Variants in TUBB8B observed in about 807,000 individuals in gnomAD.
TUBB8B encodes the protein HSA18p11 beta-tubulin 4Q pseudogene.
TUBB8B carries 26 observed loss-of-function variants against 31.9 expected under a neutral mutation model. That is an observed-to-expected ratio of 0.81 (90% CI 0.60 to 1.13). TUBB8B has a LOEUF of 1.13. Ranked by LOEUF, TUBB8B falls within the 50% of genes most tolerant of loss-of-function variation. The pLI is 0.00. For missense variants in TUBB8B, 467 were observed against 586.7 expected, an observed-to-expected ratio of 0.80 and a Z score of 2.11; for synonymous variants, 173 against 231.0, an observed-to-expected ratio of 0.75 and a Z score of 2.28.
the TUBB8B span, among the ~76,000 whole-genome samples, chr18:62,220 C>T: frequency 6.6e-6 from 1 of 151,336 alleles, no homozygotes; most frequent in Non-Finnish European, 1.5e-5. Flanking sequence ...ATTGGAGTTC[C>T]ATTGAATGTT....
upstream of TUBB8B, among the ~76,000 whole-genome samples, chr18:51,776 G>A (rs1254260337): frequency 5.9e-5 from 9 of 152,058 alleles, no homozygotes; most frequent in Middle Eastern, 3.4e-3. Flanking sequence ...TGCCATGTAA[G>A]AGATGTGACT....
At chr18:72,196 A>AAAAAAAAAAAAAAAAAAAACAAC in the TUBB8B span, among the ~76,000 whole-genome samples, 155 of 84,456 alleles carry the variant, frequency 1.8e-3, 2 homozygotes, top group African/African-American at 2.6e-3. Context: ...AAAAAAAAAA[A>AAAAAAAAAAAAAAAAAAAACAAC]AAAGGAAAAA....
chr18:64,910 C>T, the TUBB8B span, among the ~76,000 whole-genome samples: 7 of 152,010 alleles, frequency 4.6e-5, no homozygotes, highest in Non-Finnish European at 1.0e-4. Flanking sequence ...CAACCCATAC[C>T]CAATCCCATC....
At chr18:68,370 C>A in the TUBB8B span, among the ~76,000 whole-genome samples, 1 of 152,196 alleles carries the variant, frequency 6.6e-6, no homozygotes, top group Non-Finnish European at 1.5e-5. Flanking sequence ...CTCTACCTGA[C>A]AATCCAATCC....
At chr18:66,593 T>G in the TUBB8B span, among the ~76,000 whole-genome samples, 1 of 152,162 alleles carries the variant, frequency 6.6e-6, no homozygotes, top group African/African-American at 2.4e-5. Flanking sequence ...AAATATGGGT[T>G]TATTTCTGAA....
At chr18:71,564 A>C in the TUBB8B span, among the ~76,000 whole-genome samples, 1 of 115,562 alleles carries the variant, frequency 8.7e-6, no homozygotes, top group Non-Finnish European at 1.7e-5. Flanking sequence ...AAACAAAAAA[A>C]AATTTAAAAA....
the TUBB8B span, among the ~76,000 whole-genome samples, chr18:67,776 T>G: frequency 2.2e-5 from 3 of 135,760 alleles, no homozygotes; most frequent in Non-Finnish European, 4.8e-5. Flanking sequence ...CCCACAAGAC[T>G]GCTGTGACAC....
chr18:63,714 A>AACCCTAACCCTAACCCTAACC, the TUBB8B span, among the ~76,000 whole-genome samples: 1 of 137,522 alleles, frequency 7.3e-6, no homozygotes, highest in African/African-American at 2.9e-5. Flanking sequence ...TAACCCTAAC[A>AACCCTAACCCTAACCCTAACC]CTAACCCTAA....
the TUBB8B span, among the ~76,000 whole-genome samples, chr18:70,323 G>A: frequency 6.6e-6 from 1 of 151,966 alleles, no homozygotes; most frequent in Non-Finnish European, 1.5e-5. Context: ...GTGACCCTTA[G>A]AGATCCCCAT....
the TUBB8B span, among the ~76,000 whole-genome samples, chr18:63,522 T>A: frequency 3.3e-5 from 5 of 151,746 alleles, no homozygotes; most frequent in East Asian, 7.8e-4. Context: ...CCACTGAGAC[T>A]GCGCTGGTTC....
the TUBB8B span, among the ~76,000 whole-genome samples, chr18:69,289 C>T: frequency 6.6e-6 from 1 of 152,082 alleles, no homozygotes; most frequent in African/African-American, 2.4e-5. Context: ...ATGGCAAAAC[C>T]TCATCTCTAC....
the TUBB8B span, among the ~76,000 whole-genome samples, chr18:61,074 T>C: frequency 1.3e-5 from 2 of 151,726 alleles, no homozygotes; most frequent in East Asian, 3.9e-4. Flanking sequence ...CAGCCATTAT[T>C]GTATTGATAT....
At chr18:48,605 A>G in intron 3 of TUBB8B, 158 bp from the exon 4 acceptor site, 1 of 706,988 alleles carries the variant, frequency 1.4e-6, no homozygotes, top group South Asian at 1.6e-5. Context: ...GTTACAGGAC[A>G]GCAGCTTCCC....
the TUBB8B span, among the ~76,000 whole-genome samples, chr18:72,196 A>AAAAAAAAAACAAAAAAAAAC: frequency 1.2e-5 from 1 of 84,536 alleles, no homozygotes; most frequent in African/African-American, 3.9e-5. Context: ...AAAAAAAAAA[A>AAAAAAAAAACAAAAAAAAAC]AAAGGAAAAA....
the TUBB8B span, among the ~76,000 whole-genome samples, chr18:70,779 C>T: frequency 6.6e-6 from 1 of 151,752 alleles, no homozygotes; most frequent in Admixed American, 6.6e-5. Flanking sequence ...TGGTGAAACC[C>T]CATCTCTACT....
chr18:56,038 T>C, the TUBB8B span, among the ~76,000 whole-genome samples: 1 of 152,062 alleles, frequency 6.6e-6, no homozygotes, highest in East Asian at 1.9e-4. Flanking sequence ...TGTAGTTTCA[T>C]TCTTCTGCCT....
At chr18:52,111 T>C (rs1906133129), upstream of TUBB8B, among the ~76,000 whole-genome samples, 1 of 151,862 alleles carries the variant, frequency 6.6e-6, no homozygotes, top group South Asian at 2.1e-4. Flanking sequence ...TCCCTTGGTG[T>C]GGGGTCAAAA....
At chr18:58,523 C>A in the TUBB8B span, among the ~76,000 whole-genome samples, 1 of 151,678 alleles carries the variant, frequency 6.6e-6, no homozygotes, top group African/African-American at 2.4e-5. Context: ...TTGCTTCGAT[C>A]CTAATAAGTT....
At chr18:48,625 A>G in intron 3 of TUBB8B, 178 bp from the exon 4 acceptor site, 1 of 686,364 alleles carries the variant, frequency 1.5e-6, no homozygotes. Context: ...CCTGTTAGAA[A>G]TTAAGACAGG....
Sources: gnomAD v4.1 joint callset for allele counts (sites outside exome capture counted in the v4.1 genomes callset) on GRCh38, gnomAD v4.1.1 for gene constraint, MANE v1.5 for transcripts, NCBI Gene and HGNC (gene_info 2026-07-23, HGNC 2026-07-21) for gene names.